Variants in OTC observed in about 807,000 individuals in gnomAD.
The protein encoded by OTC is ornithine transcarbamylase, mitochondrial.
OTC carries 3 observed loss-of-function variants against 30.3 expected under a neutral mutation model. That is an observed-to-expected ratio of 0.10 (90% CI 0.05 to 0.26). The LOEUF (loss-of-function observed/expected upper bound fraction) is 0.26, where lower values mean the gene tolerates loss of function less well. OTC is among the 10% of genes least tolerant of loss of function. The pLI, the probability that OTC is intolerant of heterozygous loss-of-function variation, is 1.00. For missense variants in OTC, 194 were observed against 260.3 expected (o/e 0.75, Z 1.75); for synonymous variants, 111 against 99.7 (o/e 1.11, Z -0.67).
At chrX:38,404,557 TA>T (rs2068506822) in intron 6 of OTC, among the ~76,000 whole-genome samples, 2 of 112,059 alleles carry the variant, frequency 1.8e-5, no homozygotes, top group Admixed American at 9.5e-5. Context: ...AGATGGTATA[TA>T]TTTTTATTTA....
At chrX:38,339,779 A>T in the OTC span, among the ~76,000 whole-genome samples, 2 of 111,648 alleles carry the variant, frequency 1.8e-5, no homozygotes, top group East Asian at 5.6e-4. Flanking sequence ...TGCATATAAA[A>T]ATCAAGGTGA....
intron 4 of OTC, among the ~76,000 whole-genome samples, chrX:38,386,954 A>G (rs1342224041): frequency 8.9e-6 from 1 of 112,245 alleles, no homozygotes; most frequent in African/African-American, 3.2e-5. Flanking sequence ...ATCCTTGTCA[A>G]CACTTGTTAT....
chrX:38,389,563 G>A (rs2068420826), intron 4 of OTC, among the ~76,000 whole-genome samples: 1 of 111,681 alleles, frequency 9.0e-6, no homozygotes, highest in Non-Finnish European at 1.9e-5. Flanking sequence ...TACCTAATGG[G>A]AAATATGATA....
At chrX:38,330,900 C>CT in the OTC span, among the ~76,000 whole-genome samples, 1 of 112,038 alleles carries the variant, frequency 8.9e-6, no homozygotes, top group Non-Finnish European at 1.9e-5. Flanking sequence ...TTCCACTAGA[C>CT]TGAGTTCTTT....
At chrX:38,360,329 T>C (rs2068265492) in intron 1 of OTC, among the ~76,000 whole-genome samples, 1 of 111,960 alleles carries the variant, frequency 8.9e-6, no homozygotes, top group South Asian at 3.7e-4. Context: ...CCAAGCACTG[T>C]ACTAAGCACC....
At chrX:38,372,665 G>T (rs1569274056) in intron 3 of OTC, among the ~76,000 whole-genome samples, 2 of 112,546 alleles carry the variant, frequency 1.8e-5, no homozygotes, top group East Asian at 5.6e-4. Context: ...ATTGCATATG[G>T]CATCCTGCCA....
At chrX:38,340,360 A>G in the OTC span, among the ~76,000 whole-genome samples, 2,610 of 111,204 alleles carry the variant, frequency 0.023, 74 homozygotes, top group African/African-American at 0.081. Context: ...TTGAAATTAT[A>G]ATGGGAATAT....
chrX:38,363,338 G>A (rs915796343), intron 1 of OTC, among the ~76,000 whole-genome samples: 4 of 112,131 alleles, frequency 3.6e-5, no homozygotes, highest in African/African-American at 1.3e-4. Context: ...TGTAAGACAT[G>A]TAGTCAAGAA....
At chrX:38,389,647 T>G (rs11266207) in intron 4 of OTC, among the ~76,000 whole-genome samples, 29,251 of 109,633 alleles carry the variant, frequency 0.27, 3,471 homozygotes, top group African/African-American at 0.41. Flanking sequence ...GAAAAATGAT[T>G]ACAAAAGACA....
At chrX:38,349,145 A>G (rs2068202861), upstream of OTC, among the ~76,000 whole-genome samples, 1 of 111,532 alleles carries the variant, frequency 9.0e-6, no homozygotes, top group South Asian at 3.8e-4. Flanking sequence ...TTTGGGTTCA[A>G]GTAGTTGATT....
intron 6 of OTC, among the ~76,000 whole-genome samples, chrX:38,408,489 T>C (rs187384106): frequency 2.9e-3 from 323 of 111,753 alleles, no homozygotes; most frequent in African/African-American, 9.9e-3. Context: ...GAAAGCACCA[T>C]GCCTTATGTT....
At chrX:38,372,218 T>G (rs4827096) in intron 3 of OTC, among the ~76,000 whole-genome samples, 19,725 of 110,646 alleles carry the variant, frequency 0.18, 1,568 homozygotes, top group Middle Eastern at 0.27. Context: ...TTAATAAGTT[T>G]TTGGAGGCAG....
At chrX:38,397,129 GTAAA>G (rs1381602885) in intron 4 of OTC, among the ~76,000 whole-genome samples, 17 of 111,830 alleles carry the variant, frequency 1.5e-4, no homozygotes, top group East Asian at 2.8e-4. Flanking sequence ...ACTTATGTAA[GTAAA>G]TAAATTTACA....
chrX:38,350,042 AT>A (rs753295915), upstream of OTC, among the ~76,000 whole-genome samples: 522 of 110,794 alleles, frequency 4.7e-3, 5 homozygotes, highest in African/African-American at 0.016. Context: ...CTATTTTCTG[AT>A]TCTTGCAATT....
chrX:38,333,667 A>G, the OTC span, among the ~76,000 whole-genome samples: 1 of 111,837 alleles, frequency 8.9e-6, no homozygotes, highest in Non-Finnish European at 1.9e-5. Context: ...GCATGTATGA[A>G]CAAGGAAGAC....
At chrX:38,338,301 C>A in the OTC span, among the ~76,000 whole-genome samples, 1,936 of 112,197 alleles carry the variant, frequency 0.017, 38 homozygotes, top group African/African-American at 0.06. Context: ...ACTCCTCATG[C>A]CCTTTATACT....
intron 3 of OTC, among the ~76,000 whole-genome samples, chrX:38,371,383 A>G (rs759884475): frequency 8.9e-6 from 1 of 111,898 alleles, no homozygotes; most frequent in East Asian, 2.8e-4. Context: ...CTGCTCTACC[A>G]GACCTCACTT....
chrX:38,397,851 G>A lies in OTC; in HGVS notation c.387-3424G>A, dbSNP rs565933435. Among the ~76,000 whole-genome samples, 4 of 111,134 alleles carry A rather than the reference G, an allele frequency of 3.6e-5. No individual in the cohort carries two copies. The South Asian group carries it at 1.5e-3, about 42-fold the overall frequency. ...GGGAGCTTTAAAAATGTTGATATGG[G>A]TCTCACTATCATAGCTTCTGATTTA... On this transcript the variant is annotated intron_variant, in intron 4 of 9. Coordinates refer to ENST00000039007, the MANE Select transcript of OTC (RefSeq NM_000531.6).
chrX:38,412,755 T>C (rs1331645207), intron 9 of OTC, among the ~76,000 whole-genome samples: 3 of 111,920 alleles, frequency 2.7e-5, no homozygotes, highest in African/African-American at 9.8e-5. Context: ...CCACTCTAGG[T>C]AGATAAATGG....
Sources: allele counts gnomAD v4.1 joint callset (sites outside exome capture counted in the v4.1 genomes callset), GRCh38; gene constraint gnomAD v4.1.1; transcripts MANE v1.5; gene names NCBI Gene and HGNC (gene_info 2026-07-23, HGNC 2026-07-21).